TASOR: variants seen among roughly 807,000 people sequenced by gnomAD.
TASOR encodes the protein transcription activation suppressor.
Under a neutral mutation model 178.6 loss-of-function variants are expected in TASOR, and 53 were observed. The ratio of observed to expected loss-of-function variants is 0.30; its 90% CI spans 0.24 to 0.37. The LOEUF is 0.37. Ranked by LOEUF, TASOR falls within the 10% of genes least tolerant of loss-of-function variation. The pLI is 1.00. For synonymous variants in TASOR, 713 were observed against 696.2 expected (o/e 1.02, Z -0.38); for missense variants, 1,815 against 1,971.4 (o/e 0.92, Z 1.50).
chr3:56,671,162 T>C, intron 3 of TASOR, among the ~76,000 whole-genome samples: 1 of 151,616 alleles, frequency 6.6e-6, no homozygotes, highest in Middle Eastern at 3.2e-3. Context: ...CACATGGTGA[T>C]ACCCCGTCTC....
At position 56,633,056 on chromosome 3, in the gene TASOR, A is replaced by G. The variant is rs747284252; in HGVS notation, c.3735T>C (p.Cys1245=). ...CTGGTTTAGTTACCTTTATTTCTTT[A>G]CAGAGCACACTCTCTTCTTCTTCAT... ...YIHEEEESVL[C]KEIKEYLIKL... Residue 1245 remains cysteine (C), a synonymous_variant, in exon 18 of 24, where the codon TGT becomes TGC. Transcript: ENST00000683822. 6.3e-7 allele frequency: 1 copy of G among 1,583,126 alleles called. No individual in the cohort carries two copies.
Position 56,646,712 on chromosome 3 carries a change from A to G in TASOR, c.2025T>C (p.Asp675=). ...SGKQRSSHSL[D]YDKDRVKELI... ...ATTCTTTGACTCTATCCTTATCATA[A>G]TCCAAAGAATGAGATGATCTTTGCT... Residue 675 remains aspartate (D), a synonymous_variant, in exon 14 of 24, where the codon GAT becomes GAC. Coordinates refer to ENST00000683822, the MANE Select transcript of TASOR (RefSeq NM_001365635.2). 2 of 1,613,948 alleles carry G rather than the reference A, an allele frequency of 1.2e-6. No homozygotes were observed. The highest frequency in any genetic ancestry group is 1.7e-6 in the Non-Finnish European group (2 of 1,180,002).
At chr3:56,653,601 T>C (rs1387571688) in intron 11 of TASOR, among the ~76,000 whole-genome samples, 6 of 152,244 alleles carry the variant, frequency 3.9e-5, no homozygotes, top group Middle Eastern at 6.8e-3. Context: ...CAACCCAGAA[T>C]TGTGTACCCA....
At position 56,660,789 on chromosome 3, in the gene TASOR, T is replaced by C; in HGVS notation, c.1310A>G (p.Lys437Arg). 6.2e-7 allele frequency: 1 copy of C among 1,613,820 alleles called. No homozygotes were observed. Among genetic ancestry groups the C allele is most frequent in the South Asian group, 1.1e-5 (1 of 91,074 alleles). The part of the protein sequence containing the change: ...MYCSLYEVVE[K>R]TRIGSNMESL... ...CTCCATGTTACTTCCAATTCTTGTC[T>C]TTTCCACAACTTCATAAAGGCTGCA... Residue 437 changes from lysine (K) to arginine (R), a missense_variant, in exon 11 of 24, where the codon AAG becomes AGG. Coordinates refer to ENST00000683822, the MANE Select transcript of TASOR (RefSeq NM_001365635.2).
Position 56,668,800 on chromosome 3 carries a change from C to T in TASOR, c.736-242G>A, listed in dbSNP as rs937690553. ...ACCAGCCTGGCCAACATGGCGAAAC[C>T]GTCTCTACTAAAAATACAAAAATTA... On this transcript the variant is annotated intron_variant, in intron 5 of 23. Coordinates refer to ENST00000683822, the MANE Select transcript of TASOR (RefSeq NM_001365635.2). Among the ~76,000 whole-genome samples the T allele has an allele frequency of 7.9e-5, 12 of 151,916 alleles. No homozygotes were observed. In the East Asian group the frequency reaches 2.1e-3, roughly 27 times the overall value.
Position 56,683,201 on chromosome 3 carries a change from G to A in TASOR, c.-195C>T, listed in dbSNP as rs2031960742. 3 of 539,594 alleles carry A rather than the reference G, an allele frequency of 5.6e-6. No homozygotes were observed. Among genetic ancestry groups the A allele is most frequent in the East Asian group, 3.2e-5 (1 of 31,174 alleles). 33.4% of individuals were successfully genotyped at this position (539,594 alleles called of 1,614,324 possible). On this transcript the variant is annotated 5_prime_UTR_variant, in exon 1 of 24. Coordinates refer to ENST00000683822, the MANE Select transcript of TASOR (RefSeq NM_001365635.2). ...AGCGGGCACCCCAAATGCGCTGCCCGGTCCTCGGAGCCGCTCCTCCCTCGG... is the reference window on the plus strand; with the variant it reads ...AGCGGGCACCCCAAATGCGCTGCCCAGTCCTCGGAGCCGCTCCTCCCTCGG...
At position 56,651,046 on chromosome 3, in the gene TASOR, A is replaced by C. The variant is rs920965926; in HGVS notation, c.1369-1989T>G. On this transcript the variant is annotated intron_variant, in intron 11 of 23. Transcript: ENST00000683822. Reference sequence around the variant, plus strand: ...CCAAATACTAGGTTTTATAAATTCCACTACCAGTAACCTAAAGATTCCTGT... The same window carrying C: ...CCAAATACTAGGTTTTATAAATTCCCCTACCAGTAACCTAAAGATTCCTGT... 4.6e-5 allele frequency among the ~76,000 whole-genome samples: 7 copies of C among 152,262 alleles called. 1 individual carries two copies. Among genetic ancestry groups the C allele is most frequent in the Admixed American group, 1.3e-4 (2 of 15,298 alleles).
intron 15 of TASOR, among the ~76,000 whole-genome samples, chr3:56,640,461 T>C (rs2077098214): frequency 6.6e-6 from 1 of 152,128 alleles, no homozygotes; most frequent in African/African-American, 2.4e-5. Context: ...ACTTTAGTTA[T>C]AAAAATGGGT....
chr3:56,671,253 C>A (rs566784865), intron 3 of TASOR: 2 of 165,912 alleles, frequency 1.2e-5, no homozygotes, highest in Non-Finnish European at 2.6e-5. Flanking sequence ...GCAGGAGAAT[C>A]GCTTGAACTC....
intron 2 of TASOR, 129 bp downstream of exon 2, chr3:56,673,451 A>G: frequency 2.9e-6 from 2 of 681,398 alleles, no homozygotes; most frequent in East Asian, 3.7e-5. Context: ...AAAAAAAAAA[A>G]AAAAAAACTT....
intron 1 of TASOR, among the ~76,000 whole-genome samples, chr3:56,676,379 T>C (rs868510932): frequency 6.6e-6 from 1 of 152,152 alleles, no homozygotes. Context: ...GAAAAGAGGG[T>C]AGAAGGCATA....
chr3:56,658,919 A>G lies in TASOR; in HGVS notation c.1368+1812T>C, dbSNP rs969843317. On this transcript the variant is annotated intron_variant, in intron 11 of 23. Coordinates refer to ENST00000683822, the MANE Select transcript of TASOR (RefSeq NM_001365635.2). ...AGAGAGTCTGTCTCAAAAAAAAAAGAGAGAGAGACAGAGAGTGAGAGAGAG... is the reference window on the plus strand; with the variant it reads ...AGAGAGTCTGTCTCAAAAAAAAAAGGGAGAGAGACAGAGAGTGAGAGAGAG... Among the ~76,000 whole-genome samples the G allele has an allele frequency of 4.8e-4, 63 of 132,566 alleles. No individual in the cohort carries two copies. In the Middle Eastern group the frequency reaches 0.012, roughly 25 times the overall value. The allele number at this position is 132,566 out of a possible 152,430, so 87.0% of individuals were successfully genotyped here.
Position 56,647,062 on chromosome 3 carries a change from T to G in TASOR, c.1675A>C (p.Ser559Arg). Reference sequence around the variant, plus strand: ...CCAAAACCTCGCTTAAAAAATTCACTTACATACTTTTCAACAACAGAATGA... The same window carrying G: ...CCAAAACCTCGCTTAAAAAATTCACGTACATACTTTTCAACAACAGAATGA... ...NFHSVVEKYV[S>R]EFFKRGFGSG... Residue 559 changes from serine to arginine, a missense_variant, in exon 14 of 24, where the codon AGT becomes CGT. Around this residue, in one of 5 missense-constraint regions of TASOR, gnomAD observed 504 missense variants for 645.3 expected, o/e 0.78. Coordinates refer to ENST00000683822, the MANE Select transcript of TASOR (RefSeq NM_001365635.2). The G allele has an allele frequency of 6.2e-7, 1 of 1,607,380 alleles. No individual in the cohort carries two copies. Among genetic ancestry groups the G allele is most frequent in the Non-Finnish European group, 8.5e-7 (1 of 1,178,466 alleles).
chr3:56,651,228 T>C (rs1357188985), intron 11 of TASOR, among the ~76,000 whole-genome samples: 2 of 151,992 alleles, frequency 1.3e-5, no homozygotes, highest in African/African-American at 4.8e-5. Flanking sequence ...TCCTGCAAAT[T>C]GTGCTCCTGT....
chr3:56,658,630 G>A (rs13060656), intron 11 of TASOR, among the ~76,000 whole-genome samples: 5,089 of 152,270 alleles, frequency 0.033, 113 homozygotes, highest in Middle Eastern at 0.078. Context: ...AAAGTAAGAA[G>A]GAAGGGCCAG....
chr3:56,646,687 A>G lies in TASOR; in HGVS notation c.2050T>C (p.Leu684=), dbSNP rs2077245564. The change falls in exon 14 of 24, where the codon TTG becomes CTG. Residue 684 remains leucine (L), a synonymous_variant. Transcript: ENST00000683822. ...LDYDKDRVKE[L]INLIQCRKKS... ...TTCCTACACTGAATTAAATTAATCA[A>G]TTCTTTGACTCTATCCTTATCATAA... 6.2e-7 allele frequency: 1 copy of G among 1,613,884 alleles called. No individual in the cohort carries two copies. Among genetic ancestry groups the G allele is most frequent in the East Asian group, 2.2e-5 (1 of 44,868 alleles).
chr3:56,661,061 C>A, intron 9 of TASOR, 44 bp from the exon 10 acceptor site: 1 of 1,311,230 alleles, frequency 7.6e-7, no homozygotes. Flanking sequence ...TCTGTATTTT[C>A]AACTCTAGCA....
At chr3:56,640,907 A>G (rs2077107847) in intron 15 of TASOR, among the ~76,000 whole-genome samples, 1 of 152,074 alleles carries the variant, frequency 6.6e-6, no homozygotes, top group South Asian at 2.1e-4. Flanking sequence ...TTCCATTCCT[A>G]TTTGCGTAAG....
rs767014872 is a variant in TASOR, at chr3:56,622,743, C to G, written c.*294G>C. On this transcript the variant is annotated 3_prime_UTR_variant, in exon 24 of 24. Coordinates refer to ENST00000683822, the MANE Select transcript of TASOR (RefSeq NM_001365635.2). Reference sequence around the variant, plus strand: ...AGTAAAGCCTTTGCTGTTTACCGTCCTCCTGCAAGCATCTGATTTTACACA... The same window carrying G: ...AGTAAAGCCTTTGCTGTTTACCGTCGTCCTGCAAGCATCTGATTTTACACA... 1 of 204,348 alleles carries G rather than the reference C, an allele frequency of 4.9e-6. No individual in the cohort carries two copies. Among genetic ancestry groups the G allele is most frequent in the East Asian group, 1.1e-4 (1 of 9,216 alleles). 12.7% of individuals were successfully genotyped at this position (204,348 alleles called of 1,614,324 possible). A position where few individuals can be genotyped will look rare whatever the true frequency, so the allele number is the denominator to read the frequency against.
Sources: gnomAD v4.1 joint callset for allele counts (sites outside exome capture counted in the v4.1 genomes callset) on GRCh38, gnomAD v4.1.1 for gene constraint, gnomAD v4.1.1 regional missense constraint, MANE v1.5 for transcripts, NCBI Gene and HGNC (gene_info 2026-07-23, HGNC 2026-07-21) for gene names.